Variants in MARCHF1 observed in about 807,000 individuals in gnomAD.
MARCHF1 encodes the protein membrane associated ring-CH-type finger 1, also known as E3 ubiquitin-protein ligase MARCHF1.
In MARCHF1, 40 loss-of-function variants were observed where a neutral mutation model predicts 54.2. The observed-to-expected ratio is 0.74, with a 90% CI of 0.57 to 0.96. The LOEUF (loss-of-function observed/expected upper bound fraction) is 0.96, where lower values mean the gene tolerates loss of function less well. Among genes scored for constraint, MARCHF1 ranks in the 40% least tolerant of loss-of-function variants. The pLI, the probability that MARCHF1 is intolerant of heterozygous loss-of-function variation, is 0.00. For synonymous variants in MARCHF1, 236 were observed against 236.3 expected (o/e 1.00, Z 0.01); for missense variants, 586 against 656.5 (o/e 0.89, Z 1.17).
chr4:163,574,483 ATTT>A (rs1739967896), intron 8 of MARCHF1, among the ~76,000 whole-genome samples: 1 of 148,420 alleles, frequency 6.7e-6, no homozygotes, highest in Non-Finnish European at 1.5e-5. Context: ...TCTTGAATTG[ATTT>A]TTGTATAAGG....
chr4:164,278,471 T>C (rs2111330749), intron 1 of MARCHF1, among the ~76,000 whole-genome samples: 1 of 152,290 alleles, frequency 6.6e-6, no homozygotes, highest in East Asian at 1.9e-4. Flanking sequence ...ACATTACATA[T>C]CAAACATAAA....
At chr4:164,042,159 C>T (rs1470390766) in intron 2 of MARCHF1, among the ~76,000 whole-genome samples, 1 of 152,128 alleles carries the variant, frequency 6.6e-6, no homozygotes, top group Non-Finnish European at 1.5e-5. Context: ...AGCTGTTCAT[C>T]CTGGGCCAGG....
intron 1 of MARCHF1, among the ~76,000 whole-genome samples, chr4:164,119,091 G>A (rs1579550229): frequency 6.6e-6 from 1 of 151,444 alleles, no homozygotes; most frequent in African/African-American, 2.4e-5. Flanking sequence ...CTTCAAATAA[G>A]TGAGAATTGA....
intron 1 of MARCHF1, among the ~76,000 whole-genome samples, chr4:164,363,485 A>G (rs1032490193): frequency 1.3e-5 from 2 of 152,176 alleles, no homozygotes; most frequent in Admixed American, 1.3e-4. Flanking sequence ...GGATAGCTAG[A>G]AATAGAACAG....
At chr4:163,781,777 A>G (rs1172483272) in intron 4 of MARCHF1, among the ~76,000 whole-genome samples, 1 of 152,220 alleles carries the variant, frequency 6.6e-6, no homozygotes, top group Admixed American at 6.5e-5. Context: ...AAAAACAAAA[A>G]CATTTTCTGT....
At chr4:164,230,506 T>G (rs1732386704) in intron 1 of MARCHF1, among the ~76,000 whole-genome samples, 1 of 111,384 alleles carries the variant, frequency 9.0e-6, no homozygotes, top group African/African-American at 3.0e-5. Context: ...GAGATAACCA[T>G]CACCTCAATT....
At chr4:163,894,103 T>C (rs993845536) in intron 3 of MARCHF1, among the ~76,000 whole-genome samples, 1 of 152,170 alleles carries the variant, frequency 6.6e-6, no homozygotes, top group Admixed American at 6.5e-5. Context: ...TGATTCAGAA[T>C]TACAAGGCCA....
intron 3 of MARCHF1, among the ~76,000 whole-genome samples, chr4:163,959,705 A>G (rs1425872734): frequency 6.6e-6 from 1 of 152,034 alleles, no homozygotes; most frequent in South Asian, 2.1e-4. Context: ...CTAAAAATAT[A>G]AAAACCTTGA....
chr4:164,343,991 T>C (rs1490263671), intron 1 of MARCHF1, among the ~76,000 whole-genome samples: 2 of 151,952 alleles, frequency 1.3e-5, no homozygotes. Context: ...CTATCAACAG[T>C]AAACTAGATA....
chr4:163,974,726 A>C (rs1436144450), intron 3 of MARCHF1, among the ~76,000 whole-genome samples: 1 of 152,224 alleles, frequency 6.6e-6, no homozygotes, highest in Non-Finnish European at 1.5e-5. Context: ...CTTTGAGAGC[A>C]GGTATCAGTC....
chr4:164,274,661 T>TA (rs1453775385), intron 1 of MARCHF1, among the ~76,000 whole-genome samples: 1 of 41,094 alleles, frequency 2.4e-5, no homozygotes, highest in Non-Finnish European at 3.7e-5. Flanking sequence ...AGGGTACACT[T>TA]TTTTTTTTTT....
At chr4:164,290,389 AGTT>A (rs1560989389) in intron 1 of MARCHF1, among the ~76,000 whole-genome samples, 2 of 152,084 alleles carry the variant, frequency 1.3e-5, no homozygotes. Flanking sequence ...TTATATAAAC[AGTT>A]GAGGTTTACT....
chr4:164,345,523 T>C (rs557242513), intron 1 of MARCHF1, among the ~76,000 whole-genome samples: 234 of 151,690 alleles, frequency 1.5e-3, no homozygotes, highest in Middle Eastern at 3.4e-3. Context: ...TGAGCCAAGA[T>C]GGTGCCACTG....
At chr4:164,059,563 G>A (rs989641942) in intron 2 of MARCHF1, among the ~76,000 whole-genome samples, 3 of 152,122 alleles carry the variant, frequency 2.0e-5, no homozygotes, top group African/African-American at 7.2e-5. Context: ...TATATAGGAG[G>A]CATCGCAGCT....
At chr4:163,605,121 G>C (rs1255328884) in intron 7 of MARCHF1, among the ~76,000 whole-genome samples, 1 of 152,034 alleles carries the variant, frequency 6.6e-6, no homozygotes, top group Admixed American at 6.6e-5. Flanking sequence ...CAGATATGAT[G>C]ACAGAGCTAG....
At chr4:163,666,260 C>T (rs139047461) in intron 5 of MARCHF1, among the ~76,000 whole-genome samples, 1 of 152,256 alleles carries the variant, frequency 6.6e-6, no homozygotes, top group East Asian at 1.9e-4. Flanking sequence ...ACCTTGATAA[C>T]ATACGGCTTT....
chr4:163,645,151 C>T (rs1257124931), intron 5 of MARCHF1, among the ~76,000 whole-genome samples: 1 of 152,184 alleles, frequency 6.6e-6, no homozygotes, highest in African/African-American at 2.4e-5. Context: ...AGTGGACCCT[C>T]ATCCCAGTAC....
At chr4:163,958,251 G>A (rs1361568026) in intron 3 of MARCHF1, among the ~76,000 whole-genome samples, 1 of 57,584 alleles carries the variant, frequency 1.7e-5, no homozygotes, top group Non-Finnish European at 3.6e-5. Context: ...GTGAGTGTGT[G>A]TGTGTGTGTG....
intron 1 of MARCHF1, among the ~76,000 whole-genome samples, chr4:164,286,614 G>T (rs1210279352): frequency 6.6e-6 from 1 of 151,658 alleles, no homozygotes; most frequent in Non-Finnish European, 1.5e-5. Context: ...GAAGCCATGG[G>T]AATATGTGCT....
Sources: allele counts gnomAD v4.1 joint callset (sites outside exome capture counted in the v4.1 genomes callset), GRCh38; gene constraint gnomAD v4.1.1; transcripts MANE v1.5; gene names NCBI Gene and HGNC (gene_info 2026-07-23, HGNC 2026-07-21).